POU6F2: variants seen among roughly 807,000 people sequenced by gnomAD.
POU6F2 encodes the protein POU domain, class 6, transcription factor 2.
POU6F2 carries 31 observed loss-of-function variants against 71.3 expected under a neutral mutation model. The observed-to-expected ratio is 0.43, with a 90% CI of 0.33 to 0.59. The LOEUF is 0.59. Ranked by LOEUF, POU6F2 falls within the 20% of genes least tolerant of loss-of-function variation. The probability of loss-of-function intolerance (pLI) is 0.04; values close to 1 mark genes in which losing one functional copy is unlikely to be tolerated. For missense variants in POU6F2, 783 were observed against 856.8 expected, an observed-to-expected ratio of 0.91 and a Z score of 1.07; for synonymous variants, 347 against 355.7, an observed-to-expected ratio of 0.98 and a Z score of 0.27.
chr7:39,446,095 G>A (rs1448816558), intron 7 of POU6F2, among the ~76,000 whole-genome samples: 1 of 152,200 alleles, frequency 6.6e-6, no homozygotes, highest in Non-Finnish European at 1.5e-5. Context: ...TTCTCTTCAA[G>A]CTATTCCAAG....
At chr7:39,447,625 T>C (rs1308186678) in intron 7 of POU6F2, among the ~76,000 whole-genome samples, 1 of 152,184 alleles carries the variant, frequency 6.6e-6, no homozygotes, top group Non-Finnish European at 1.5e-5. Context: ...CCAATAAACA[T>C]TACTCACATA....
chr7:39,309,299 C>T (rs1785111767), intron 4 of POU6F2, among the ~76,000 whole-genome samples: 2 of 152,208 alleles, frequency 1.3e-5, no homozygotes, highest in African/African-American at 4.8e-5. Context: ...ACCATTGTCA[C>T]GCTGGGTAGA....
intron 9 of POU6F2, among the ~76,000 whole-genome samples, chr7:39,461,374 G>A (rs1788945723): frequency 1.3e-5 from 2 of 152,134 alleles, no homozygotes; most frequent in Non-Finnish European, 2.9e-5. Context: ...AAGTTGATCC[G>A]GGTTAAGTGG....
chr7:39,141,691 T>A (rs1792506637), intron 2 of POU6F2, among the ~76,000 whole-genome samples: 1 of 152,176 alleles, frequency 6.6e-6, no homozygotes, highest in African/African-American at 2.4e-5. Context: ...AAATAAACTA[T>A]CAATAATAAC....
chr7:39,077,676 A>G (rs1459803389), intron 1 of POU6F2, among the ~76,000 whole-genome samples: 1 of 152,202 alleles, frequency 6.6e-6, no homozygotes, highest in Non-Finnish European at 1.5e-5. Flanking sequence ...TAAACTGCCC[A>G]TATGTGCACA....
At chr7:39,413,961 C>T (rs1787613143) in intron 6 of POU6F2, among the ~76,000 whole-genome samples, 1 of 152,214 alleles carries the variant, frequency 6.6e-6, no homozygotes, top group African/African-American at 2.4e-5. Context: ...CCACAAACGA[C>T]GGTCCCCTGG....
At chr7:39,106,894 T>C (rs966169575) in intron 2 of POU6F2, among the ~76,000 whole-genome samples, 8 of 152,168 alleles carry the variant, frequency 5.3e-5, no homozygotes, top group Non-Finnish European at 2.9e-5. Context: ...GGAGAAATAG[T>C]ATTTCTTTTA....
intron 1 of POU6F2, among the ~76,000 whole-genome samples, chr7:39,022,942 C>T (rs1013884415): frequency 2.0e-5 from 3 of 151,994 alleles, no homozygotes; most frequent in Non-Finnish European, 4.4e-5. Context: ...GCAGTTGTAC[C>T]ATTTTACACA....
chr7:39,131,831 T>C (rs1386521615), intron 2 of POU6F2, among the ~76,000 whole-genome samples: 2 of 128,888 alleles, frequency 1.6e-5, no homozygotes, highest in African/African-American at 5.2e-5. Context: ...AGGCATCTAT[T>C]TTGTTTTATA....
intron 5 of POU6F2, among the ~76,000 whole-genome samples, chr7:39,401,161 G>C (rs936993371): frequency 7.9e-5 from 12 of 152,152 alleles, no homozygotes; most frequent in Admixed American, 7.2e-4. Context: ...TTTCCACCTG[G>C]CTGTCTCAAA....
At position 39,283,716 on chromosome 7, in the gene POU6F2, T is replaced by C. The variant is rs1391153816; in HGVS notation, c.599-55926T>C. 2.6e-5 allele frequency among the ~76,000 whole-genome samples: 4 copies of C among 152,222 alleles called. No individual in the cohort carries two copies. In the East Asian group the frequency reaches 7.7e-4, roughly 29 times the overall value. ...CACTTTTTGGCTATTGAGCAAATCA[T>C]GACTTTTTAAGCTTACTTTATTTTA... is the stretch of plus-strand genomic sequence containing the variant. On this transcript the variant is annotated intron_variant, in intron 4 of 9. Coordinates refer to ENST00000518318, the MANE Select transcript of POU6F2 (RefSeq NM_001370959.1).
intron 4 of POU6F2, among the ~76,000 whole-genome samples, chr7:39,324,132 G>T (rs1052260379): frequency 6.8e-6 from 1 of 147,632 alleles, no homozygotes; most frequent in Non-Finnish European, 1.5e-5. Context: ...AAAAAAAAAA[G>T]GCTCTTGCAG....
At chr7:39,192,825 T>C (rs1302386081) in intron 2 of POU6F2, among the ~76,000 whole-genome samples, 1 of 151,936 alleles carries the variant, frequency 6.6e-6, no homozygotes, top group Non-Finnish European at 1.5e-5. Flanking sequence ...GCATTCCTGC[T>C]TTTAGTACTG....
chr7:39,218,785 G>A (rs897959739), intron 4 of POU6F2, among the ~76,000 whole-genome samples: 12 of 152,148 alleles, frequency 7.9e-5, no homozygotes, highest in Admixed American at 3.3e-4. Context: ...TAAGAGGAAA[G>A]AGAGAGGAGA....
chr7:39,092,261 A>G (rs1192908670), intron 2 of POU6F2, among the ~76,000 whole-genome samples: 2 of 152,218 alleles, frequency 1.3e-5, no homozygotes, highest in East Asian at 1.9e-4. Context: ...GAAAGCTCAT[A>G]GTAACAGTTG....
At chr7:39,386,117 CAA>C (rs531818996) in intron 5 of POU6F2, among the ~76,000 whole-genome samples, 94 of 91,276 alleles carry the variant, frequency 1.0e-3, no homozygotes, top group African/African-American at 2.7e-3. Flanking sequence ...GACTCCGTCT[CAA>C]AAAAAAAAAA....
intron 2 of POU6F2, among the ~76,000 whole-genome samples, chr7:39,112,405 G>A (rs1203325357): frequency 1.3e-5 from 2 of 152,154 alleles, no homozygotes; most frequent in Non-Finnish European, 1.5e-5. Flanking sequence ...TCTATTAACA[G>A]TACGTAATAT....
chr7:39,018,140 C>A (rs375678496), intron 1 of POU6F2, among the ~76,000 whole-genome samples: 1 of 152,080 alleles, frequency 6.6e-6, no homozygotes, highest in African/African-American at 2.4e-5. Flanking sequence ...AAAGCCAGAT[C>A]GATCAATGGT....
chr7:39,135,319 A>C (rs1792368974), intron 2 of POU6F2, among the ~76,000 whole-genome samples: 1 of 152,222 alleles, frequency 6.6e-6, no homozygotes. Flanking sequence ...CACTGGACAA[A>C]TTAGGCAAAA....
Sources: allele counts gnomAD v4.1 joint callset (sites outside exome capture counted in the v4.1 genomes callset), GRCh38; gene constraint gnomAD v4.1.1; transcripts MANE v1.5; gene names NCBI Gene and HGNC (gene_info 2026-07-23, HGNC 2026-07-21).